Variants in WDFY3 observed in about 807,000 individuals in gnomAD.
The protein encoded by WDFY3 is WD repeat and FYVE domain containing 3.
Under a neutral mutation model 409.6 loss-of-function variants are expected in WDFY3, and 66 were observed. The ratio of observed to expected loss-of-function variants is 0.16; its 90% CI spans 0.13 to 0.20. WDFY3 has a LOEUF of 0.20. WDFY3 is among the 10% of genes least tolerant of loss of function. WDFY3 has a pLI of 1.00. For synonymous variants in WDFY3, 1,521 were observed against 1,537.1 expected, an observed-to-expected ratio of 0.99 and a Z score of 0.25; for missense variants, 3,031 against 4,298.1, an observed-to-expected ratio of 0.71 and a Z score of 8.24.
chr4:84,959,383 AG>A (rs2151189442), intron 1 of WDFY3, among the ~76,000 whole-genome samples: 1 of 152,098 alleles, frequency 6.6e-6, no homozygotes, highest in Non-Finnish European at 1.5e-5. Context: ...AAAGAGTGTG[AG>A]GGTAATCTAT....
intron 44 of WDFY3, 53 bp downstream of exon 44, chr4:84,733,329 G>A: frequency 6.4e-7 from 1 of 1,567,870 alleles, no homozygotes; most frequent in African/African-American, 1.4e-5. Flanking sequence ...CGCTTACAGA[G>A]GAAAATAAAA....
chr4:84,678,371 G>C, intron 65 of WDFY3, 92 bp from the exon 66 acceptor site: 1 of 914,356 alleles, frequency 1.1e-6, no homozygotes, highest in Non-Finnish European at 1.8e-6. Context: ...TTAAACTTAG[G>C]GTACCTCAAC....
chr4:84,838,559 C>T (rs143457592), intron 6 of WDFY3, among the ~76,000 whole-genome samples: 107 of 152,216 alleles, frequency 7.0e-4, no homozygotes, highest in African/African-American at 2.4e-3. Context: ...AACTAACCCC[C>T]CAAACCACAT....
At chr4:84,948,903 T>C (rs546330529) in intron 1 of WDFY3, among the ~76,000 whole-genome samples, 2 of 152,262 alleles carry the variant, frequency 1.3e-5, no homozygotes, top group South Asian at 2.1e-4. Context: ...CATGTATGTT[T>C]GCATTCATTT....
chr4:84,951,770 G>A (rs1443612123), intron 1 of WDFY3, among the ~76,000 whole-genome samples: 2 of 152,172 alleles, frequency 1.3e-5, no homozygotes, highest in Non-Finnish European at 2.9e-5. Flanking sequence ...CTGGAATGAT[G>A]CTTTGCCAGA....
chr4:84,724,526 G>T lies in WDFY3; in HGVS notation c.7341C>A (p.Gly2447=). ...SKEYYMRLAS[G]NPAIVQDAIV... ...TGGCGTCTTGGACAATGGCGGGATT[G>T]CCAGAGGCCAGTCGCATGTAGTACT... The change falls in exon 46 of 68, where the codon GGC becomes GGA. Residue 2447 remains glycine (G), a synonymous_variant. Transcript: ENST00000295888. 1 of 1,614,116 alleles carries T rather than the reference G, an allele frequency of 6.2e-7. No individual in the cohort carries two copies. Among genetic ancestry groups the T allele is most frequent in the South Asian group, 1.1e-5 (1 of 91,088 alleles).
chr4:84,807,325 T>G (rs913937243), intron 15 of WDFY3, among the ~76,000 whole-genome samples: 2 of 152,172 alleles, frequency 1.3e-5, no homozygotes, highest in African/African-American at 4.8e-5. Flanking sequence ...AACCATGCCA[T>G]AGTTTGTTGT....
intron 46 of WDFY3, among the ~76,000 whole-genome samples, chr4:84,723,868 G>A (rs1438374120): frequency 6.6e-6 from 1 of 152,100 alleles, no homozygotes; most frequent in African/African-American, 2.4e-5. Flanking sequence ...CAGGCTCAAG[G>A]CACCACATGT....
intron 46 of WDFY3, among the ~76,000 whole-genome samples, chr4:84,722,751 T>C (rs1399130022): frequency 6.6e-6 from 1 of 152,154 alleles, no homozygotes. Flanking sequence ...AGTAACACTA[T>C]ACCTGCCTGT....
At position 84,682,666 on chromosome 4, in the gene WDFY3, A is replaced by G. The variant is rs182268578; in HGVS notation, c.9727-196T>C. The G allele has an allele frequency of 2.3e-3, 1,319 of 569,858 alleles. 9 individuals are homozygous for G. The highest frequency in any genetic ancestry group is 0.011 in the South Asian group (534 of 47,770). The allele number at this position is 569,858 out of a possible 1,614,324, so 35.3% of individuals were successfully genotyped here. A position where few individuals can be genotyped will look rare whatever the true frequency, so the allele number is the denominator to read the frequency against. ...CAATGGCTGTTTCAAAGTACAGGGAAAAAGATTATAGTCATATTAGTTTAA... is the reference window on the plus strand; with the variant it reads ...CAATGGCTGTTTCAAAGTACAGGGAGAAAGATTATAGTCATATTAGTTTAA... On this transcript the variant is annotated intron_variant, in intron 63 of 67. Coordinates refer to ENST00000295888, the MANE Select transcript of WDFY3 (RefSeq NM_014991.6).
At chr4:84,717,165 G>C (rs528682019) in intron 48 of WDFY3, 149 bp from the exon 49 acceptor site, 1 of 909,260 alleles carries the variant, frequency 1.1e-6, no homozygotes, top group East Asian at 3.4e-5. Context: ...TTTACAAGAA[G>C]AATTTGTTAG....
chr4:84,742,699 G>T (rs1738661271), intron 37 of WDFY3, among the ~76,000 whole-genome samples: 1 of 152,106 alleles, frequency 6.6e-6, no homozygotes, highest in Non-Finnish European at 1.5e-5. Flanking sequence ...TGCATGCAAG[G>T]GATCCAGGGT....
At chr4:84,928,574 T>C (rs1033871226) in intron 2 of WDFY3, among the ~76,000 whole-genome samples, 1 of 152,204 alleles carries the variant, frequency 6.6e-6, no homozygotes, top group Non-Finnish European at 1.5e-5. Flanking sequence ...ATGGTATATA[T>C]GATTGTACCA....
intron 1 of WDFY3, among the ~76,000 whole-genome samples, chr4:84,961,001 G>C (rs1470479216): frequency 6.6e-6 from 1 of 152,030 alleles, no homozygotes; most frequent in South Asian, 2.1e-4. Context: ...CGGATCACAA[G>C]GTCAGGAATT....
intron 32 of WDFY3, among the ~76,000 whole-genome samples, chr4:84,765,458 G>A (rs1743463295): frequency 6.6e-6 from 1 of 152,098 alleles, no homozygotes; most frequent in Non-Finnish European, 1.5e-5. Flanking sequence ...CAAGTGTTTA[G>A]GAACTGGCAC....
intron 4 of WDFY3, 114 bp from the exon 5 acceptor site, chr4:84,850,139 C>A: frequency 8.8e-7 from 1 of 1,133,092 alleles, no homozygotes; most frequent in South Asian, 1.8e-5. Context: ...TCTACCTACA[C>A]AGTTACTTTG....
intron 3 of WDFY3, among the ~76,000 whole-genome samples, chr4:84,890,624 C>T (rs560883556): frequency 6.6e-6 from 1 of 152,250 alleles, no homozygotes; most frequent in South Asian, 2.1e-4. Flanking sequence ...CTGTGTGTGG[C>T]ACTGAACTGT....
chr4:84,793,285 C>G (rs951167278), intron 21 of WDFY3, among the ~76,000 whole-genome samples: 1 of 152,170 alleles, frequency 6.6e-6, no homozygotes, highest in Admixed American at 6.5e-5. Context: ...CAATCCTACA[C>G]CACCTCAGCC....
At chr4:84,907,502 C>A (rs989514715) in intron 2 of WDFY3, among the ~76,000 whole-genome samples, 1 of 152,116 alleles carries the variant, frequency 6.6e-6, no homozygotes, top group African/African-American at 2.4e-5. Context: ...GTACGTGAGC[C>A]ATCCTGGAAA....
Sources: gnomAD v4.1 joint callset for allele counts (sites outside exome capture counted in the v4.1 genomes callset) on GRCh38, gnomAD v4.1.1 for gene constraint, MANE v1.5 for transcripts, NCBI Gene and HGNC (gene_info 2026-07-23, HGNC 2026-07-21) for gene names.